Variants in ASAP1 observed in about 807,000 individuals in gnomAD.
ASAP1 encodes the protein arf-GAP with SH3 domain, ANK repeat and PH domain-containing protein 1.
ASAP1 carries 43 observed loss-of-function variants against 145.2 expected under a neutral mutation model. The observed-to-expected ratio is 0.30, with a 90% confidence interval of 0.23 to 0.38. The LOEUF (loss-of-function observed/expected upper bound fraction) is 0.38. Ranked by LOEUF, ASAP1 falls within the 10% of genes least tolerant of loss-of-function variation. ASAP1 has a pLI of 1.00. For synonymous variants in ASAP1, 546 were observed against 515.5 expected (o/e 1.06, Z -0.80); for missense variants, 1,018 against 1,355.3 (o/e 0.75, Z 3.91).
intron 3 of ASAP1, among the ~76,000 whole-genome samples, chr8:130,261,867 A>G (rs979579662): frequency 6.6e-6 from 1 of 151,990 alleles, no homozygotes; most frequent in Non-Finnish European, 1.5e-5. Flanking sequence ...TAGTTCTATG[A>G]CTACTGACAG....
chr8:130,368,066 A>C (rs1047782241), intron 2 of ASAP1, among the ~76,000 whole-genome samples: 7 of 152,158 alleles, frequency 4.6e-5, no homozygotes, highest in Non-Finnish European at 8.8e-5. Flanking sequence ...AGAAAAAAAA[A>C]CAAGTCTCTA....
At chr8:130,162,130 C>T (rs7818185) in intron 11 of ASAP1, among the ~76,000 whole-genome samples, 1 of 152,104 alleles carries the variant, frequency 6.6e-6, no homozygotes, top group Admixed American at 6.6e-5. Flanking sequence ...GGCCTATAGC[C>T]TTGAATTCTA....
chr8:130,364,163 T>C (rs1427856895), intron 2 of ASAP1, among the ~76,000 whole-genome samples: 1 of 152,192 alleles, frequency 6.6e-6, no homozygotes, highest in African/African-American at 2.4e-5. Flanking sequence ...GAACATGGTT[T>C]GTTTGGAGAC....
rs533409593 is a variant in ASAP1, at chr8:130,281,572, A to G, written c.187-44578T>C. ...GATTTTCAGGCTAAAAAACTTATCC[A>G]AAGTGTAAAAAATAGTTTTTTTGGG... is the stretch of plus-strand genomic sequence containing the variant. On this transcript the variant is annotated intron_variant, in intron 3 of 29. Coordinates refer to ENST00000518721, the MANE Select transcript of ASAP1 (RefSeq NM_018482.4). 2.0e-5 allele frequency among the ~76,000 whole-genome samples: 3 copies of G among 152,312 alleles called. No individual in the cohort carries two copies. In the South Asian group the frequency reaches 6.2e-4, roughly 32 times the overall value.
At chr8:130,376,430 A>AAAAACAAAAC (rs113593640) in intron 2 of ASAP1, among the ~76,000 whole-genome samples, 79,932 of 151,494 alleles carry the variant, frequency 0.53, 21,851 homozygotes, top group African/African-American at 0.68. Context: ...TTGCTTCCTT[A>AAAAACAAAAC]AAAACAAAAC....
chr8:130,376,990 C>T (rs1043060509), intron 2 of ASAP1, among the ~76,000 whole-genome samples: 1 of 147,714 alleles, frequency 6.8e-6, no homozygotes, highest in Non-Finnish European at 1.5e-5. Flanking sequence ...AAAAGTTTTG[C>T]GAGAACCACA....
At chr8:130,403,427 A>C (rs1212317227) in intron 1 of ASAP1, among the ~76,000 whole-genome samples, 1 of 152,164 alleles carries the variant, frequency 6.6e-6, no homozygotes, top group African/African-American at 2.4e-5. Flanking sequence ...ATCCCTCAAC[A>C]GCTTCTCAGT....
At chr8:130,198,987 A>C (rs912760442) in intron 5 of ASAP1, among the ~76,000 whole-genome samples, 2 of 152,006 alleles carry the variant, frequency 1.3e-5, no homozygotes, top group African/African-American at 4.8e-5. Flanking sequence ...ACCCACAGAG[A>C]TCTCTCCCAC....
chr8:130,390,476 C>T (rs1254914452), intron 2 of ASAP1, among the ~76,000 whole-genome samples: 1 of 152,292 alleles, frequency 6.6e-6, no homozygotes, highest in African/African-American at 2.4e-5. Context: ...GTATTTAAGG[C>T]ATAATATGCT....
rs1344882051 is a variant in ASAP1, at chr8:130,286,906, T to C, written c.187-49912A>G. ...ATCAGTTTATAAACAAGGTAAGATATGCTAATGGTATAAGGAAACACCTCA... is the reference window on the plus strand; with the variant it reads ...ATCAGTTTATAAACAAGGTAAGATACGCTAATGGTATAAGGAAACACCTCA... On this transcript the variant is annotated intron_variant, in intron 3 of 29. Coordinates refer to ENST00000518721, the MANE Select transcript of ASAP1 (RefSeq NM_018482.4). Among the ~76,000 whole-genome samples the C allele has an allele frequency of 2.0e-5, 3 of 152,306 alleles. No homozygotes were observed. The East Asian group carries it at 5.8e-4, about 29-fold the overall frequency.
Position 130,126,059 on chromosome 8 carries a change from A to T in ASAP1, c.1412T>A (p.Ile471Asn). ...GCCAGAACATTCTATACAGGTCAAAATACCCAAGTTGGTTGAAAGCCAGGT... is the reference window on the plus strand; with the variant it reads ...GCCAGAACATTCTATACAGGTCAAATTACCCAAGTTGGTTGAAAGCCAGGT... ...EPTWLSTNLG[I>N]LTCIECSGIH... Residue 471 changes from isoleucine to asparagine, a missense_variant, in exon 17 of 30, where the codon ATT becomes AAT. Ile to Asn is a moderately radical substitution (Grantham distance 149). Transcript: ENST00000518721. The T allele has an allele frequency of 6.2e-7, 1 of 1,611,882 alleles. No homozygotes were observed. The highest frequency in any genetic ancestry group is 8.5e-7 in the Non-Finnish European group (1 of 1,179,470).
chr8:130,382,052 C>T (rs945798926), intron 2 of ASAP1, among the ~76,000 whole-genome samples: 3 of 151,866 alleles, frequency 2.0e-5, no homozygotes, highest in Non-Finnish European at 2.9e-5. Context: ...TTTGGGAGGC[C>T]GAGGCGGGCA....
At chr8:130,198,118 G>C (rs1815625464) in intron 5 of ASAP1, among the ~76,000 whole-genome samples, 1 of 151,528 alleles carries the variant, frequency 6.6e-6, no homozygotes, top group Non-Finnish European at 1.5e-5. Flanking sequence ...AATTTAACTA[G>C]GTTTATTTTC....
chr8:130,151,360 G>A (rs1227922052), intron 13 of ASAP1, among the ~76,000 whole-genome samples: 7 of 99,326 alleles, frequency 7.0e-5, no homozygotes, highest in African/African-American at 2.7e-4. Flanking sequence ...GAAAGAGCGA[G>A]ACTCAGTCTC....
intron 17 of ASAP1, among the ~76,000 whole-genome samples, chr8:130,125,678 A>G (rs2097573899): frequency 6.6e-6 from 1 of 152,166 alleles, no homozygotes; most frequent in South Asian, 2.1e-4. Context: ...CTAATTCATA[A>G]AGAAAAATGT....
At chr8:130,128,139 A>ATTTT (rs745416119) in intron 15 of ASAP1, 49 bp from the exon 16 acceptor site, 36 of 179,460 alleles carry the variant, frequency 2.0e-4, no homozygotes, top group Admixed American at 2.6e-4. Context: ...GAGCATGGTC[A>ATTTT]TTTTTTTTTT....
At chr8:130,405,482 G>A (rs1828985269) in intron 1 of ASAP1, among the ~76,000 whole-genome samples, 1 of 152,216 alleles carries the variant, frequency 6.6e-6, no homozygotes, top group Non-Finnish European at 1.5e-5. Context: ...GGGTCTTCAT[G>A]AGAGGCTGCT....
chr8:130,070,912 A>G (rs1229405318), intron 27 of ASAP1, among the ~76,000 whole-genome samples: 1 of 7,640 alleles, frequency 1.3e-4, no homozygotes, highest in Non-Finnish European at 2.2e-4. Flanking sequence ...AGGGAGAGAG[A>G]GGGGGAGAGA....
At chr8:130,403,301 T>TTTTAA (rs60441663) in intron 1 of ASAP1, among the ~76,000 whole-genome samples, 55 of 151,096 alleles carry the variant, frequency 3.6e-4, no homozygotes, top group Admixed American at 1.1e-3. Context: ...TGTTTTTTTT[T>TTTTAA]AAAAAACCCA....
Sources: gnomAD v4.1 joint callset for allele counts (sites outside exome capture counted in the v4.1 genomes callset) on GRCh38, gnomAD v4.1.1 for gene constraint, MANE v1.5 for transcripts, NCBI Gene and HGNC (gene_info 2026-07-23, HGNC 2026-07-21) for gene names.